CSMD3: variants seen among roughly 807,000 people sequenced by gnomAD.
CSMD3 encodes CUB and Sushi multiple domains 3.
CSMD3 carries 177 observed loss-of-function variants against 435.2 expected under a neutral mutation model. The ratio of observed to expected loss-of-function variants is 0.41; its 90% CI spans 0.36 to 0.46. The LOEUF (loss-of-function observed/expected upper bound fraction) is 0.46, where lower values mean the gene tolerates loss of function less well. Ranked by LOEUF, CSMD3 falls within the 20% of genes least tolerant of loss-of-function variation. The pLI is 0.34. For missense variants in CSMD3, 4,265 were observed against 4,504.6 expected, an observed-to-expected ratio of 0.95 and a Z score of 1.52; for synonymous variants, 1,656 against 1,520.5, an observed-to-expected ratio of 1.09 and a Z score of -2.07.
chr8:113,003,601 G>A (rs2085946807), intron 6 of CSMD3, among the ~76,000 whole-genome samples: 1 of 152,000 alleles, frequency 6.6e-6, no homozygotes, highest in South Asian at 2.1e-4. Flanking sequence ...TGAGTAGATG[G>A]AATACAGAAG....
intron 32 of CSMD3, among the ~76,000 whole-genome samples, chr8:112,461,919 C>G (rs1437939141): frequency 1.3e-5 from 2 of 152,166 alleles, no homozygotes; most frequent in East Asian, 3.9e-4. Flanking sequence ...CTTTAATTCT[C>G]TAGCTTCCAG....
At chr8:112,439,833 C>A (rs1254453127) in intron 32 of CSMD3, among the ~76,000 whole-genome samples, 1 of 150,276 alleles carries the variant, frequency 6.7e-6, no homozygotes, top group African/African-American at 2.4e-5. Flanking sequence ...AGGAGAACTG[C>A]CCCCATGATT....
At chr8:112,817,068 C>T (rs1466046493) in intron 12 of CSMD3, among the ~76,000 whole-genome samples, 1 of 151,908 alleles carries the variant, frequency 6.6e-6, no homozygotes, top group East Asian at 1.9e-4. Context: ...CGATGTCATC[C>T]AACGTTAGTG....
intron 4 of CSMD3, among the ~76,000 whole-genome samples, chr8:113,152,622 G>A (rs567457366): frequency 6.6e-6 from 1 of 152,122 alleles, no homozygotes; most frequent in African/African-American, 2.4e-5. Context: ...GCTCATTCTA[G>A]TTTATAGCAT....
At chr8:113,018,064 C>G (rs2086537383) in intron 6 of CSMD3, among the ~76,000 whole-genome samples, 1 of 151,910 alleles carries the variant, frequency 6.6e-6, no homozygotes, top group South Asian at 2.1e-4. Context: ...TGTCGAAAAT[C>G]TTGATTTTAA....
chr8:113,352,758 G>C (rs1394956342), intron 1 of CSMD3, among the ~76,000 whole-genome samples: 1 of 152,182 alleles, frequency 6.6e-6, no homozygotes, highest in African/African-American at 2.4e-5. Flanking sequence ...GATGGCTAAA[G>C]AGCAGTAGTT....
intron 13 of CSMD3, among the ~76,000 whole-genome samples, chr8:112,711,345 C>T (rs761173076): frequency 7.9e-5 from 12 of 151,704 alleles, no homozygotes; most frequent in Admixed American, 4.6e-4. Flanking sequence ...AAGCGCATTG[C>T]GATTTACACA....
At chr8:112,959,030 T>G (rs985091515) in intron 7 of CSMD3, among the ~76,000 whole-genome samples, 7 of 152,096 alleles carry the variant, frequency 4.6e-5, no homozygotes, top group African/African-American at 1.7e-4. Context: ...TGGCTTGAAG[T>G]TCCTCTAAAA....
At chr8:113,221,353 T>C in intron 3 of CSMD3, among the ~76,000 whole-genome samples, 1 of 102,932 alleles carries the variant, frequency 9.7e-6, no homozygotes, top group Non-Finnish European at 2.0e-5. Context: ...ACAGACACAG[T>C]TACACACACA....
At chr8:112,887,279 C>G (rs888195124) in intron 10 of CSMD3, among the ~76,000 whole-genome samples, 7 of 147,724 alleles carry the variant, frequency 4.7e-5, no homozygotes, top group African/African-American at 1.8e-4. Context: ...TCATTTGAAC[C>G]CAGGACAGCT....
intron 22 of CSMD3, among the ~76,000 whole-genome samples, chr8:112,597,237 A>T (rs1455062936): frequency 6.6e-6 from 1 of 151,922 alleles, no homozygotes; most frequent in African/African-American, 2.4e-5. Flanking sequence ...TACTACAAAC[A>T]CCTCTATGCA....
intron 9 of CSMD3, among the ~76,000 whole-genome samples, chr8:112,929,300 C>T (rs924505146): frequency 6.7e-6 from 1 of 150,254 alleles, no homozygotes; most frequent in African/African-American, 2.4e-5. Flanking sequence ...GTGGGTGCAG[C>T]ACACCAGCAT....
At chr8:112,712,270 A>G (rs897069159) in intron 13 of CSMD3, among the ~76,000 whole-genome samples, 1 of 152,184 alleles carries the variant, frequency 6.6e-6, no homozygotes, top group Non-Finnish European at 1.5e-5. Flanking sequence ...AATAAAAAAC[A>G]CCTTGTAAGT....
At chr8:112,270,359 T>TGTGTGTGTGTTAGGGGTGA (rs1554622991) in intron 59 of CSMD3, among the ~76,000 whole-genome samples, 1 of 130,906 alleles carries the variant, frequency 7.6e-6, no homozygotes, top group South Asian at 2.4e-4. Flanking sequence ...TGTGTGTGTG[T>TGTGTGTGTGTTAGGGGTGA]GTGTGTGTGT....
chr8:112,494,566 TCTTTC>T lies in CSMD3; in HGVS notation c.5084-1888_5084-1884del, dbSNP rs1290482370. Among the ~76,000 whole-genome samples, 4 of 147,558 alleles carry T rather than the reference TCTTTC, an allele frequency of 2.7e-5. No homozygotes were observed. In the South Asian group the frequency reaches 8.6e-4, roughly 32 times the overall value. ...TTCTTTCTTTCTTTCTTTCTTTCTTTCTTTCTTTTCTTTCTTTCTCTCTACAAGTA... is the reference window on the plus strand; with the variant it reads ...TTCTTTCTTTCTTTCTTTCTTTCTTTTTTTCTTTCTTTCTCTCTACAAGTA... On this transcript the variant is annotated intron_variant, in intron 30 of 70. Transcript: ENST00000297405.
intron 44 of CSMD3, among the ~76,000 whole-genome samples, chr8:112,336,341 A>C (rs1390824113): frequency 1.3e-5 from 2 of 152,176 alleles, no homozygotes; most frequent in African/African-American, 2.4e-5. Flanking sequence ...TAAGTAGAGA[A>C]CTTCCATACC....
At chr8:112,247,795 G>A (rs1814885196) in intron 63 of CSMD3, among the ~76,000 whole-genome samples, 1 of 152,120 alleles carries the variant, frequency 6.6e-6, no homozygotes, top group South Asian at 2.1e-4. Flanking sequence ...ATCAGAAACT[G>A]TTAGGTTAGA....
intron 13 of CSMD3, among the ~76,000 whole-genome samples, chr8:112,752,274 T>C (rs2077587695): frequency 6.6e-6 from 1 of 152,160 alleles, no homozygotes; most frequent in Admixed American, 6.5e-5. Flanking sequence ...CTAACTTCGG[T>C]ATCACAGTGC....
intron 13 of CSMD3, among the ~76,000 whole-genome samples, chr8:112,799,495 T>G (rs971664204): frequency 4.6e-5 from 7 of 152,026 alleles, no homozygotes; most frequent in African/African-American, 4.8e-5. Context: ...TATTAGTAAT[T>G]TTTTCAGTCA....
Sources: gnomAD v4.1 joint callset for allele counts (sites outside exome capture counted in the v4.1 genomes callset) on GRCh38, gnomAD v4.1.1 for gene constraint, MANE v1.5 for transcripts, NCBI Gene and HGNC (gene_info 2026-07-23, HGNC 2026-07-21) for gene names.